YTHDC1: variants seen among roughly 807,000 people sequenced by gnomAD.
The protein encoded by YTHDC1 is YTH domain-containing protein 1.
In YTHDC1, 12 loss-of-function variants were observed where a neutral mutation model predicts 107.0. The observed-to-expected ratio is 0.11, with a 90% confidence interval of 0.07 to 0.18. The LOEUF is 0.18. Among genes scored for constraint, YTHDC1 ranks in the 10% least tolerant of loss-of-function variants. YTHDC1 has a pLI of 1.00. For missense variants in YTHDC1, 635 were observed against 898.8 expected, an observed-to-expected ratio of 0.71 and a Z score of 3.75; for synonymous variants, 280 against 289.5, an observed-to-expected ratio of 0.97 and a Z score of 0.33.
rs1722139600 is a variant in YTHDC1, at chr4:68,318,844, C to T, written c.1703G>A (p.Arg568Gln). ...HQRPGYLKDP[R>Q]YQEVDRRFSG... ...GACTTACCTGTCCACTTCCTGGTAT[C>T]GTGGATCCTTTAAATACCCTGTTCA... is the stretch of plus-strand genomic sequence containing the variant. The change falls in exon 13 of 17, where the codon CGA (arginine) becomes CAA (glutamine). Residue 568 changes from arginine (R) to glutamine (Q), a missense_variant. By Grantham distance (43) the Arg-to-Gln change is conservative. Around this residue, in one of 5 missense-constraint regions of YTHDC1, gnomAD observed 256 missense variants for 372.9 expected, o/e 0.69. Transcript: ENST00000344157. 4 of 1,613,956 alleles carry T rather than the reference C, an allele frequency of 2.5e-6. No individual in the cohort carries two copies. The highest frequency in any genetic ancestry group is 1.3e-5 in the African/African-American group (1 of 74,922).
At chr4:68,335,607 C>G (rs1037355375) in intron 4 of YTHDC1, among the ~76,000 whole-genome samples, 5 of 151,852 alleles carry the variant, frequency 3.3e-5, no homozygotes, top group African/African-American at 9.7e-5. Flanking sequence ...ACATTAAAGT[C>G]TAAGAAATAA....
chr4:68,324,009 G>C (rs375812131), intron 10 of YTHDC1, 130 bp downstream of exon 10: 4 of 752,320 alleles, frequency 5.3e-6, no homozygotes, highest in African/African-American at 5.2e-5. Context: ...ATAAACTTCA[G>C]ATAAGATTAT....
intron 5 of YTHDC1, 98 bp downstream of exon 5, chr4:68,333,210 T>C: frequency 1.2e-6 from 1 of 857,708 alleles, no homozygotes. Flanking sequence ...TCAGTGCTAA[T>C]GGACATCAAC....
intron 11 of YTHDC1, among the ~76,000 whole-genome samples, chr4:68,321,032 T>C (rs1040266877): frequency 2.6e-5 from 4 of 152,188 alleles, no homozygotes; most frequent in Admixed American, 2.0e-4. Flanking sequence ...TGTTCTTTAC[T>C]GTCTTCCATA....
chr4:68,316,279 A>C (rs1262227201), intron 16 of YTHDC1, 35 bp downstream of exon 16: 2 of 1,591,746 alleles, frequency 1.3e-6, no homozygotes, highest in Admixed American at 1.7e-5. Context: ...AATTCTAAGT[A>C]GTTCCCTCAC....
Position 68,349,624 on chromosome 4 carries a change from C to G in YTHDC1, c.28+102G>C, listed in dbSNP as rs1200672113. On this transcript the variant is annotated intron_variant, in intron 1 of 16. Transcript: ENST00000344157. ...CCGGCTCCTCGCGAGGCCAGCTAAC[C>G]TCCCCAACCCCCACCCCCCACCCCC... is the stretch of plus-strand genomic sequence containing the variant. 8 of 476,718 alleles carry G rather than the reference C, an allele frequency of 1.7e-5. No homozygotes were observed. In the East Asian group the frequency reaches 2.6e-4, roughly 15 times the overall value. The allele number at this position is 476,718 out of a possible 1,614,324, so 29.5% of individuals were successfully genotyped here.
chr4:68,326,785 T>G (rs1180276500), intron 9 of YTHDC1, among the ~76,000 whole-genome samples: 1 of 150,404 alleles, frequency 6.6e-6, no homozygotes, highest in Non-Finnish European at 1.5e-5. Context: ...GAGACGGGGT[T>G]TCACCATGTT....
At chr4:68,344,913 C>T (rs533499471) in intron 1 of YTHDC1, among the ~76,000 whole-genome samples, 1 of 152,236 alleles carries the variant, frequency 6.6e-6, no homozygotes, top group East Asian at 1.9e-4. Context: ...CACCTGTAGT[C>T]TCAGCTACTT....
At chr4:68,338,106 T>A in intron 2 of YTHDC1, 177 bp downstream of exon 2, 5 of 915,538 alleles carry the variant, frequency 5.5e-6, no homozygotes, top group Non-Finnish European at 6.5e-6. Flanking sequence ...TTGAGAAGTT[T>A]CATATATTAG....
At chr4:68,343,524 T>TAA (rs10657692) in intron 1 of YTHDC1, among the ~76,000 whole-genome samples, 34 of 121,008 alleles carry the variant, frequency 2.8e-4, no homozygotes, top group African/African-American at 7.4e-4. Context: ...TTAAAATCTT[T>TAA]AAAAAAAAAA....
intron 4 of YTHDC1, among the ~76,000 whole-genome samples, chr4:68,334,044 G>C (rs1361641102): frequency 2.0e-5 from 3 of 152,064 alleles, no homozygotes; most frequent in African/African-American, 4.8e-5. Flanking sequence ...TTCTGTAAGA[G>C]AGCTGAAAAT....
chr4:68,314,178 C>G lies in YTHDC1; in HGVS notation c.2105G>C (p.Gly702Ala), dbSNP rs1192719774. 1 of 1,613,414 alleles carries G rather than the reference C, an allele frequency of 6.2e-7. No individual in the cohort carries two copies. Among genetic ancestry groups the G allele is most frequent in the African/African-American group, 1.3e-5 (1 of 74,892 alleles). Residue 702 changes from glycine to alanine, a missense_variant, in exon 17 of 17, where the codon GGA (glycine) becomes GCA (alanine). Coordinates refer to ENST00000344157, the MANE Select transcript of YTHDC1 (RefSeq NM_001031732.4). ...DNRRDRERDR[G>A]RDRERERERL... ...CTCTCTTTCTCTTTCTCTATCACGT[C>G]CTCTATCTCGCTCTCTGTCTCGTCT...
intron 1 of YTHDC1, among the ~76,000 whole-genome samples, chr4:68,345,396 C>T (rs1175235714): frequency 6.6e-6 from 1 of 151,952 alleles, no homozygotes; most frequent in Non-Finnish European, 1.5e-5. Context: ...ACACAAGGTA[C>T]CAAAATAAAT....
rs1578008000 is a variant in YTHDC1, at chr4:68,312,998, G to GC, written c.*1100dup. 1 of 152,148 alleles carries GC rather than the reference G, an allele frequency of 6.6e-6. No homozygotes were observed. Among genetic ancestry groups the GC allele is most frequent in the Non-Finnish European group, 1.5e-5 (1 of 68,012 alleles). The allele number at this position is 152,148 out of a possible 1,614,324, so 9.4% of individuals were successfully genotyped here. A position where few individuals can be genotyped will look rare whatever the true frequency, so the allele number is the denominator to read the frequency against. Reference sequence around the variant, plus strand: ...GTCCATTTATGAAGTAAAGTAGAAAGCATGTACAAAGTCGTTCACTTACAG... The same window carrying GC: ...GTCCATTTATGAAGTAAAGTAGAAAGCCATGTACAAAGTCGTTCACTTACAG... On this transcript the variant is annotated 3_prime_UTR_variant, in exon 17 of 17. Coordinates refer to ENST00000344157, the MANE Select transcript of YTHDC1 (RefSeq NM_001031732.4).
chr4:68,325,671 C>T (rs1217710613), intron 9 of YTHDC1, among the ~76,000 whole-genome samples: 2 of 152,144 alleles, frequency 1.3e-5, no homozygotes, highest in Non-Finnish European at 2.9e-5. Context: ...CTGTGAGCCA[C>T]CACACCTGGC....
intron 1 of YTHDC1, among the ~76,000 whole-genome samples, chr4:68,347,423 C>A (rs1016927995): frequency 1.3e-5 from 2 of 152,154 alleles, no homozygotes; most frequent in African/African-American, 4.8e-5. Context: ...ACAGGAATCA[C>A]AGGGAGCTAG....
chr4:68,324,415 G>C (rs916859965), intron 9 of YTHDC1, among the ~76,000 whole-genome samples, 192 bp from the exon 10 acceptor site: 1 of 152,144 alleles, frequency 6.6e-6, no homozygotes, highest in Non-Finnish European at 1.5e-5. Flanking sequence ...TTCTAAAAAA[G>C]AGCTTAAGAG....
Position 68,337,747 on chromosome 4 carries a change from T to C in YTHDC1, c.284A>G (p.Tyr95Cys), listed in dbSNP as rs746343681. Reference protein sequence around the residue: ...VSTKGKSATEYKNEEYQRSER... With the variant: ...VSTKGKSATECKNEEYQRSER... ...AGATCTTTGATATTCCTCATTTTTATACTCTGTGGCTGACTTTCCTTTTGT... is the reference window on the plus strand; with the variant it reads ...AGATCTTTGATATTCCTCATTTTTACACTCTGTGGCTGACTTTCCTTTTGT... Residue 95 changes from tyrosine to cysteine, a missense_variant, in exon 3 of 17, where the codon TAT becomes TGT. Physicochemically the swap from Tyr to Cys is radical, Grantham distance 194 (BLOSUM62 -2). This residue lies in a region of YTHDC1 where 294 missense variants were observed against 312.3 expected (regional missense o/e 0.94). Coordinates refer to ENST00000344157, the MANE Select transcript of YTHDC1 (RefSeq NM_001031732.4). The C allele has an allele frequency of 2.5e-6, 4 of 1,614,214 alleles. No homozygotes were observed. Among genetic ancestry groups the C allele is most frequent in the East Asian group, 2.2e-5 (1 of 44,880 alleles).
chr4:68,344,498 T>A (rs1725202408), intron 1 of YTHDC1, among the ~76,000 whole-genome samples: 1 of 152,208 alleles, frequency 6.6e-6, no homozygotes. Context: ...TTGTCAGATC[T>A]TCCACATTTT....
Sources: allele counts gnomAD v4.1 joint callset (sites outside exome capture counted in the v4.1 genomes callset), GRCh38; gene constraint gnomAD v4.1.1; regional missense constraint gnomAD v4.1.1; transcripts MANE v1.5; gene names NCBI Gene and HGNC (gene_info 2026-07-23, HGNC 2026-07-21).